The following WNT5A variants were observed in gnomAD, a reference collection of about 807,000 sequenced individuals.
WNT5A encodes Wnt family member 5A, also known as protein Wnt-5a.
WNT5A carries 9 observed loss-of-function variants against 42.1 expected under a neutral mutation model. That is an observed-to-expected ratio of 0.21 (90% CI 0.13 to 0.37). WNT5A has a LOEUF of 0.37. WNT5A is among the 10% of genes least tolerant of loss of function. The pLI, the probability that WNT5A is intolerant of heterozygous loss-of-function variation, is 1.00. For synonymous variants in WNT5A, 210 were observed against 210.0 expected (o/e 1.00, Z 0.00); for missense variants, 426 against 534.0 (o/e 0.80, Z 1.99).
At chr3:55,498,953 C>CA in the WNT5A span, among the ~76,000 whole-genome samples, 1 of 152,172 alleles carries the variant, frequency 6.6e-6, no homozygotes, top group Non-Finnish European at 1.5e-5. Context: ...AAAAATGAGA[C>CA]ACTGGTCTTC....
chr3:55,490,158 G>A (rs1426669241), upstream of WNT5A: 1 of 152,226 alleles, frequency 6.6e-6, no homozygotes, highest in African/African-American at 2.4e-5. Flanking sequence ...TTCGTGTAGA[G>A]GATCCTATTC....
At chr3:55,492,111 T>C (rs2051666172), upstream of WNT5A, among the ~76,000 whole-genome samples, 1 of 152,236 alleles carries the variant, frequency 6.6e-6, no homozygotes, top group Admixed American at 6.5e-5. Flanking sequence ...TTATGTGTTA[T>C]ATGCCAATTA....
chr3:55,488,929 C>T (rs1302277568), upstream of WNT5A, among the ~76,000 whole-genome samples: 1 of 152,184 alleles, frequency 6.6e-6, no homozygotes, highest in African/African-American at 2.4e-5. Flanking sequence ...GTTAGGCGCT[C>T]ACCTCCTGCA....
Position 55,480,864 on chromosome 3 carries a change from T to C in WNT5A, c.61A>G (p.Met21Val), listed in dbSNP as rs1242190462. The change falls in exon 2 of 5, where the codon ATG becomes GTG. Residue 21 changes from methionine (M) to valine (V), a missense_variant. Physicochemically the swap from Met to Val is conservative, Grantham distance 21 (BLOSUM62 1). Transcript: ENST00000264634. ...GCCACTAGGAAGAACTTGGAAGACA[T>C]TGCACTTCCAGCCATCCCCAAAGCA... ...GVALGMAGSA[M>V]SSKFFLVALA... 9 of 1,588,968 alleles carry C rather than the reference T, an allele frequency of 5.7e-6. No homozygotes were observed. Among genetic ancestry groups the C allele is most frequent in the East Asian group, 2.3e-5 (1 of 44,304 alleles).
chr3:55,484,814 A>G (rs1250327581), intron 1 of WNT5A, among the ~76,000 whole-genome samples: 1 of 152,170 alleles, frequency 6.6e-6, no homozygotes, highest in East Asian at 1.9e-4. Context: ...GAGTCCTTGG[A>G]CAGAGGAAGA....
chr3:55,471,012 A>G (rs1417544500), intron 4 of WNT5A, among the ~76,000 whole-genome samples: 1 of 152,182 alleles, frequency 6.6e-6, no homozygotes, highest in Admixed American at 6.5e-5. Context: ...TAAAGGTGCC[A>G]GGATTTGAAC....
intron 4 of WNT5A, among the ~76,000 whole-genome samples, chr3:55,470,891 C>T (rs2051238595): frequency 6.6e-6 from 1 of 152,090 alleles, no homozygotes; most frequent in African/African-American, 2.4e-5. Flanking sequence ...CAATGCATTA[C>T]CTGAATTAAT....
chr3:55,480,882 C>G lies in WNT5A; in HGVS notation c.43G>C (p.Gly15Arg). The change falls in exon 2 of 5, where the codon GGG becomes CGG. Residue 15 changes from glycine (G) to arginine (R), a missense_variant. Physicochemically the swap from Gly to Arg is moderately radical, Grantham distance 125. Transcript: ENST00000264634. ...IGILSPGVALGMAGSAMSSKF... is the reference protein window; with the variant it reads ...IGILSPGVALRMAGSAMSSKF... ...GAAGACATTGCACTTCCAGCCATCCCCAAAGCAACTCCTGGGCTTAATATT... is the reference window on the plus strand; with the variant it reads ...GAAGACATTGCACTTCCAGCCATCCGCAAAGCAACTCCTGGGCTTAATATT... 1 of 1,588,242 alleles carries G rather than the reference C, an allele frequency of 6.3e-7. No homozygotes were observed. Among genetic ancestry groups the G allele is most frequent in the Non-Finnish European group, 8.6e-7 (1 of 1,166,468 alleles).
the WNT5A span, among the ~76,000 whole-genome samples, chr3:55,502,747 G>A: frequency 2.0e-5 from 3 of 152,124 alleles, no homozygotes; most frequent in Admixed American, 1.3e-4. Context: ...TGAAAACCAC[G>A]GCTACGGATT....
the WNT5A span, among the ~76,000 whole-genome samples, chr3:55,496,325 T>C: frequency 6.6e-6 from 1 of 152,218 alleles, no homozygotes; most frequent in Non-Finnish European, 1.5e-5. Context: ...GACAATTCAT[T>C]GGCTTTGAAA....
chr3:55,484,810 T>C (rs2051544368), intron 1 of WNT5A, among the ~76,000 whole-genome samples: 1 of 152,010 alleles, frequency 6.6e-6, no homozygotes, highest in Non-Finnish European at 1.5e-5. Context: ...AGCAGAGTCC[T>C]TGGACAGAGG....
intron 2 of WNT5A, 55 bp downstream of exon 2, chr3:55,480,730 C>A (rs2051442482): frequency 3.4e-6 from 5 of 1,473,948 alleles, no homozygotes; most frequent in Non-Finnish European, 3.6e-6. Context: ...ATCATACAAA[C>A]AAATCTTAAA....
At chr3:55,473,174 C>T (rs2051283909) in intron 4 of WNT5A, among the ~76,000 whole-genome samples, 1 of 152,158 alleles carries the variant, frequency 6.6e-6, no homozygotes, top group South Asian at 2.1e-4. Context: ...TAATTTTCTT[C>T]CATGGTCATG....
intron 2 of WNT5A, among the ~76,000 whole-genome samples, chr3:55,480,023 C>G (rs781672165): frequency 6.6e-6 from 1 of 152,052 alleles, no homozygotes; most frequent in African/African-American, 2.4e-5. Context: ...GATGGAAGAA[C>G]AGAGGGACAA....
chr3:55,471,759 G>A (rs2051256530), intron 4 of WNT5A, among the ~76,000 whole-genome samples: 1 of 152,196 alleles, frequency 6.6e-6, no homozygotes, highest in South Asian at 2.1e-4. Flanking sequence ...AGACTCTGCT[G>A]CCCACAGTTC....
At chr3:55,487,360 C>A, upstream of WNT5A, 1 of 300,510 alleles carries the variant, frequency 3.3e-6, no homozygotes, top group Non-Finnish European at 6.1e-6. Flanking sequence ...GTAATTAGGG[C>A]TTTCCAACCC....
At chr3:55,486,748 AT>A (rs1272650072) in intron 1 of WNT5A, among the ~76,000 whole-genome samples, 63 of 152,290 alleles carry the variant, frequency 4.1e-4, no homozygotes, top group Non-Finnish European at 7.4e-5. Context: ...AAAAATCAAA[AT>A]TGTTTGCAGA....
In WNT5A at chr3:55,474,565, C is replaced by G. The variant is rs541491382; in HGVS notation, c.456G>C (p.Arg152=). The change falls in exon 4 of 5, where the codon CGG becomes CGC. Residue 152 remains arginine (R), a synonymous_variant. Coordinates refer to ENST00000264634, the MANE Select transcript of WNT5A (RefSeq NM_003392.7). The stretch of plus-strand genomic sequence containing the variant: ...TGGACAGCTCGCCCTCGCGGCACGC[C>G]CGGCTCATGGCGTTCACCACCCCTG... ...SAAGVVNAMS[R]ACREGELSTC... is the part of the protein sequence containing the mutation. The G allele has an allele frequency of 6.6e-7, 1 of 1,510,906 alleles. No individual in the cohort carries two copies. Among genetic ancestry groups the G allele is most frequent in the Non-Finnish European group, 8.8e-7 (1 of 1,133,538 alleles). The allele number at this position is 1,510,906 out of a possible 1,614,324, so 93.6% of individuals were successfully genotyped here.
At position 55,470,021 on chromosome 3, in the gene WNT5A, A is replaced by T. The variant is rs1421534145; in HGVS notation, c.*71T>A. The T allele has an allele frequency of 1.0e-5, 16 of 1,589,798 alleles. No individual in the cohort carries two copies. The highest frequency in any genetic ancestry group is 1.3e-5 in the African/African-American group (1 of 74,120). On this transcript the variant is annotated 3_prime_UTR_variant, in exon 5 of 5. Transcript: ENST00000264634. ...AATAAAAAATATTTCTAAAAACCAA[A>T]AACCAGAATCACTGTACTTTCTATA...
Sources: gnomAD v4.1 joint callset for allele counts (sites outside exome capture counted in the v4.1 genomes callset) on GRCh38, gnomAD v4.1.1 for gene constraint, MANE v1.5 for transcripts, NCBI Gene and HGNC (gene_info 2026-07-23, HGNC 2026-07-21) for gene names.